RARB: variants seen among roughly 807,000 people sequenced by gnomAD.
RARB encodes the protein HBV-activated protein.
RARB carries 17 observed loss-of-function variants against 51.9 expected under a neutral mutation model. The ratio of observed to expected loss-of-function variants is 0.33; its 90% CI spans 0.22 to 0.49. The LOEUF (loss-of-function observed/expected upper bound fraction) is 0.49. RARB is among the 20% of genes least tolerant of loss of function. RARB has a pLI of 0.99. For synonymous variants in RARB, 215 were observed against 195.4 expected, an observed-to-expected ratio of 1.10 and a Z score of -0.84; for missense variants, 369 against 550.8, an observed-to-expected ratio of 0.67 and a Z score of 3.30.
chr3:24,970,574 A>AACACACACACACACAC (rs60292267), intron 2 of RARB, among the ~76,000 whole-genome samples: 3,548 of 148,818 alleles, frequency 0.024, 75 homozygotes, highest in East Asian at 0.11. Context: ...AAGTCATGTA[A>AACACACACACACACAC]ACACACACAC....
In RARB at chr3:25,153,034, A is replaced by G. The variant is rs751633799; in HGVS notation, c.-280+20826A>G. 3.0e-3 allele frequency among the ~76,000 whole-genome samples: 461 copies of G among 152,288 alleles called. 5 individuals carry two copies. The highest frequency in any genetic ancestry group is 4.2e-3 in the Non-Finnish European group (288 of 68,018). On this transcript the variant is annotated intron_variant, in intron 4 of 11. Transcript: ENST00000383772. ...TTCTTCAGGGGAAAAGGACAGAATA[A>G]TTTTGAATCTATTGATAAGCACTCT... is the stretch of plus-strand genomic sequence containing the variant.
At chr3:25,408,076 T>G (rs755672140) in intron 5 of RARB, among the ~76,000 whole-genome samples, 1 of 152,158 alleles carries the variant, frequency 6.6e-6, no homozygotes, top group Non-Finnish European at 1.5e-5. Flanking sequence ...CCACTTAAAC[T>G]CAAAACCTTG....
intron 2 of RARB, among the ~76,000 whole-genome samples, chr3:24,956,332 G>GA (rs1351132175): frequency 6.6e-6 from 1 of 152,166 alleles, no homozygotes; most frequent in Non-Finnish European, 1.5e-5. Context: ...TCATGAATGA[G>GA]AATGTTATTT....
intron 5 of RARB, among the ~76,000 whole-genome samples, chr3:25,329,930 A>G (rs1259042164): frequency 6.6e-6 from 1 of 152,218 alleles, no homozygotes; most frequent in African/African-American, 2.4e-5. Flanking sequence ...TGAAGATCAA[A>G]TGAATGAAAT....
chr3:25,159,150 TTG>T (rs1424879165), intron 4 of RARB, among the ~76,000 whole-genome samples: 1 of 144,378 alleles, frequency 6.9e-6, no homozygotes, highest in Non-Finnish European at 1.5e-5. Context: ...CTGTTCCAAA[TTG>T]TCTTTTTTTT....
At chr3:25,310,121 T>C (rs895341523) in intron 5 of RARB, among the ~76,000 whole-genome samples, 3 of 152,168 alleles carry the variant, frequency 2.0e-5, no homozygotes, top group African/African-American at 4.8e-5. Context: ...GGCCAACCAT[T>C]TGTCTGCAAA....
At chr3:25,195,415 A>C (rs1041764271) in intron 5 of RARB, among the ~76,000 whole-genome samples, 5 of 152,046 alleles carry the variant, frequency 3.3e-5, no homozygotes, top group Non-Finnish European at 1.5e-5. Context: ...TTCAGCAGTA[A>C]CATGCTAAAG....
intron 5 of RARB, among the ~76,000 whole-genome samples, chr3:25,282,937 G>T (rs577728711): frequency 1.3e-5 from 2 of 152,294 alleles, no homozygotes; most frequent in South Asian, 4.1e-4. Flanking sequence ...AAATAGAAGG[G>T]GAGGGTAAAA....
At chr3:24,876,306 A>G (rs1259344344) in intron 2 of RARB, among the ~76,000 whole-genome samples, 3 of 152,154 alleles carry the variant, frequency 2.0e-5, no homozygotes, top group Non-Finnish European at 4.4e-5. Flanking sequence ...GATCTTGTCT[A>G]TGACAATTAT....
At chr3:24,910,473 T>C (rs1694969383) in intron 2 of RARB, among the ~76,000 whole-genome samples, 2 of 152,190 alleles carry the variant, frequency 1.3e-5, no homozygotes, top group South Asian at 4.1e-4. Context: ...AGCTTTGTAA[T>C]TTTTTAGGAC....
At chr3:24,898,796 T>C (rs185820972) in intron 2 of RARB, among the ~76,000 whole-genome samples, 30 of 152,320 alleles carry the variant, frequency 2.0e-4, no homozygotes, top group Non-Finnish European at 3.8e-4. Flanking sequence ...CATTTGGCTT[T>C]TGTCCTTCCT....
At chr3:24,922,008 T>A (rs1004181055) in intron 2 of RARB, among the ~76,000 whole-genome samples, 11 of 152,210 alleles carry the variant, frequency 7.2e-5, no homozygotes, top group African/African-American at 2.7e-4. Flanking sequence ...AAGGATGCAG[T>A]AGAGTCTCTA....
In RARB at chr3:25,083,506, A is replaced by T. The variant is rs544856722; in HGVS notation, c.-328+23330A>T. ...TTCATTTGGCTCTCTTATAGTTTGT[A>T]TTTGTCTGTTGGGGTTTGCCATTTG... On this transcript the variant is annotated intron_variant, in intron 3 of 11. Coordinates refer to the RARB transcript ENST00000383772. 4.0e-5 allele frequency among the ~76,000 whole-genome samples: 6 copies of T among 151,476 alleles called. No individual in the cohort carries two copies. In the East Asian group the frequency reaches 7.8e-4, roughly 20 times the overall value.
chr3:25,176,346 C>CTTCTTTCTTTCTTTCTTTCTTTCTTTCT (rs1374454837), intron 5 of RARB, among the ~76,000 whole-genome samples: 1 of 48,110 alleles, frequency 2.1e-5, no homozygotes, highest in Non-Finnish European at 4.3e-5. Flanking sequence ...TCCTTCCTTC[C>CTTCTTTCTTTCTTTCTTTCTTTCTTTCT]TTCCTTCCTT....
intron 2 of RARB, among the ~76,000 whole-genome samples, chr3:24,996,688 A>T (rs1362479642): frequency 6.6e-6 from 1 of 151,262 alleles, no homozygotes; most frequent in African/African-American, 2.4e-5. Context: ...TTTAAATTTC[A>T]TGCATAATTT....
chr3:25,560,230 G>T (rs1700217902), intron 3 of RARB, among the ~76,000 whole-genome samples: 1 of 152,122 alleles, frequency 6.6e-6, no homozygotes, highest in Admixed American at 6.5e-5. Flanking sequence ...TATATAGACT[G>T]GCGTAAACCA....
chr3:25,298,270 C>T (rs112407851), intron 5 of RARB, among the ~76,000 whole-genome samples: 159 of 151,784 alleles, frequency 1.0e-3, no homozygotes, highest in African/African-American at 3.7e-3. Flanking sequence ...GCAACCCTTG[C>T]CTCCCGGTTT....
intron 5 of RARB, among the ~76,000 whole-genome samples, chr3:25,260,593 A>C (rs9859871): frequency 0.022 from 3,281 of 152,232 alleles, 90 homozygotes; most frequent in African/African-American, 0.067. Flanking sequence ...TATAAACTGC[A>C]ACCCAACCCC....
chr3:24,831,647 G>A (rs964724503), intron 1 of RARB, among the ~76,000 whole-genome samples: 2 of 151,980 alleles, frequency 1.3e-5, no homozygotes, highest in Non-Finnish European at 2.9e-5. Flanking sequence ...ATATGGTGGG[G>A]GGGAACTAGT....
Sources: gnomAD v4.1 joint callset for allele counts (sites outside exome capture counted in the v4.1 genomes callset) on GRCh38, gnomAD v4.1.1 for gene constraint, MANE v1.5 for transcripts, NCBI Gene and HGNC (gene_info 2026-07-23, HGNC 2026-07-21) for gene names.